Variants in HCN2 observed in about 807,000 individuals in gnomAD.
The protein encoded by HCN2 is hyperpolarization activated cyclic nucleotide gated potassium and sodium channel 2.
Under a neutral mutation model 52.3 loss-of-function variants are expected in HCN2, and 20 were observed. The ratio of observed to expected loss-of-function variants is 0.38; its 90% CI spans 0.27 to 0.56. The LOEUF is 0.56. Ranked by LOEUF, HCN2 falls within the 20% of genes least tolerant of loss-of-function variation. HCN2 has a pLI of 0.71. For missense variants in HCN2, 981 were observed against 1,207.7 expected (o/e 0.81, Z 2.78); for synonymous variants, 694 against 537.0 (o/e 1.29, Z -4.04).
intron 1 of HCN2, among the ~76,000 whole-genome samples, chr19:601,439 C>T (rs991015179): frequency 1.3e-5 from 2 of 152,184 alleles, no homozygotes; most frequent in African/African-American, 4.8e-5. Context: ...CGGGTCGCGC[C>T]GTGTTTGTCC....
In HCN2 at chr19:616,998, G is replaced by A. The variant is rs1347371553; in HGVS notation, c.*524G>A. ...CGCCTCCCTCCAGCACTGGCACCGA[G>A]AGGCAGGCCTGGCTGCGCAGGGCGC... On this transcript the variant is annotated 3_prime_UTR_variant, in exon 8 of 8. Transcript: ENST00000251287. The A allele has an allele frequency of 2.6e-5, 13 of 504,846 alleles. No individual in the cohort carries two copies. In the East Asian group the frequency reaches 3.6e-4, roughly 14 times the overall value. The allele number at this position is 504,846 out of a possible 1,614,324, so 31.3% of individuals were successfully genotyped here.
chr19:607,918 G>T, intron 3 of HCN2, 46 bp from the exon 4 acceptor site: 5 of 1,492,572 alleles, frequency 3.3e-6, no homozygotes, highest in Non-Finnish European at 3.7e-6. Flanking sequence ...AGGGCTCCTG[G>T]GGCGTGAGCA....
rs1982887805 is a variant in HCN2, at chr19:591,994, G to A, written c.632+1417G>A. Among the ~76,000 whole-genome samples, 1 of 152,196 alleles carries A rather than the reference G, an allele frequency of 6.6e-6. No individual in the cohort carries two copies. The highest frequency in any genetic ancestry group is 1.5e-5 in the Non-Finnish European group (1 of 68,022). On this transcript the variant is annotated intron_variant, in intron 1 of 7. Coordinates refer to ENST00000251287, the MANE Select transcript of HCN2 (RefSeq NM_001194.4). This position sits in a 1 kb window ranked among gnomAD's most constrained non-coding sequence, Gnocchi z 4.1. ...TCGAGACAGGCCAGGGGTGGGAGGA[G>A]CCCCGAAATCCCCAGAGGGGCTGTG...
At chr19:607,540 C>T (rs1162808434) in intron 3 of HCN2, among the ~76,000 whole-genome samples, 2 of 152,258 alleles carry the variant, frequency 1.3e-5, no homozygotes, top group Non-Finnish European at 2.9e-5. Context: ...GCTCCCCTTT[C>T]CCGGCCGGGT....
chr19:595,302 C>T (rs1982994001), intron 1 of HCN2, among the ~76,000 whole-genome samples: 1 of 150,598 alleles, frequency 6.6e-6, no homozygotes, highest in Non-Finnish European at 1.5e-5. Context: ...CCCCACGGTT[C>T]AGCCTCGCAC....
chr19:611,542 C>T (rs986936713), intron 5 of HCN2, among the ~76,000 whole-genome samples: 1 of 152,180 alleles, frequency 6.6e-6, no homozygotes, highest in Non-Finnish European at 1.5e-5. Context: ...GCGTGTACAC[C>T]CGTTGCTCCC....
chr19:616,918 A>ACCGGC lies in HCN2; in HGVS notation c.*452_*456dup. The ACCGGC allele has an allele frequency of 2.9e-6, 1 of 340,912 alleles. No individual in the cohort carries two copies. Among genetic ancestry groups the ACCGGC allele is most frequent in the East Asian group, 8.1e-5 (1 of 12,414 alleles). The allele number at this position is 340,912 out of a possible 1,614,324, so 21.1% of individuals were successfully genotyped here. A position where few individuals can be genotyped will look rare whatever the true frequency, so the allele number is the denominator to read the frequency against. On this transcript the variant is annotated 3_prime_UTR_variant, in exon 8 of 8. Transcript: ENST00000251287. ...CTGCCCCCATCGCGCTCACGCAATA[A>ACCGGC]CCGGCCCGGCCCCCGTCCGCGCGCG...
At chr19:593,174 G>C (rs193111707) in intron 1 of HCN2, among the ~76,000 whole-genome samples, 1 of 152,350 alleles carries the variant, frequency 6.6e-6, no homozygotes, top group East Asian at 1.9e-4. Flanking sequence ...CCCGTGCTCG[G>C]AAGTGGCCTC....
chr19:604,814 G>A (rs1295399805), intron 2 of HCN2, among the ~76,000 whole-genome samples: 2 of 80,966 alleles, frequency 2.5e-5, no homozygotes, highest in Non-Finnish European at 4.7e-5. Flanking sequence ...TAGGGCGGGG[G>A]CTGTGGATTT....
chr19:594,902 C>T (rs947570392), intron 1 of HCN2, among the ~76,000 whole-genome samples: 2 of 152,084 alleles, frequency 1.3e-5, no homozygotes, highest in African/African-American at 4.8e-5. Context: ...GTTCCCTGCT[C>T]GAAAACGGAC....
rs1290979653 is a variant in HCN2, at chr19:590,326, C to T, written c.381C>T (p.Cys127=). 2.2e-5 allele frequency: 23 copies of T among 1,025,948 alleles called. No individual in the cohort carries two copies. Among genetic ancestry groups the T allele is most frequent in the Middle Eastern group, 4.7e-4 (1 of 2,124 alleles). The allele number at this position is 1,025,948 out of a possible 1,614,324, so 63.6% of individuals were successfully genotyped here. Residue 127 remains cysteine, a synonymous_variant, in exon 1 of 8, where the codon TGC becomes TGT. Coordinates refer to ENST00000251287, the MANE Select transcript of HCN2 (RefSeq NM_001194.4). This position sits in a 1 kb window ranked among gnomAD's most constrained non-coding sequence, Gnocchi z 7.2. ...GGGGGCCCAAGGTGTCGTTCTCGTG[C>T]CGCGGGGCGGCCTCGGGGCCCGCGC... ...PARGPKVSFS[C]RGAASGPAPG... is the part of the protein sequence containing the mutation.
intron 1 of HCN2, among the ~76,000 whole-genome samples, chr19:596,905 G>A (rs1983047377): frequency 8.2e-6 from 1 of 121,420 alleles, no homozygotes; most frequent in Non-Finnish European, 1.9e-5. Flanking sequence ...GAGGGTTGGG[G>A]TGGAGAGGGT....
intron 7 of HCN2, among the ~76,000 whole-genome samples, chr19:615,469 G>A (rs532518003): frequency 2.6e-5 from 4 of 152,280 alleles, no homozygotes; most frequent in South Asian, 2.1e-4. Flanking sequence ...GGCCGAGATC[G>A]CGCCACTGCA....
In HCN2 at chr19:607,984, G is replaced by A. The variant is rs3752158; in HGVS notation, c.1239G>A (p.Leu413=). 1.2e-3 allele frequency: 1,863 copies of A among 1,612,242 alleles called. 20 individuals are homozygous for A. Among genetic ancestry groups the A allele is most frequent in the South Asian group, 9.1e-3 (830 of 91,046 alleles). The change falls in exon 4 of 8, where the codon CTG becomes CTA. Residue 413 remains leucine (L), a synonymous_variant. Coordinates refer to ENST00000251287, the MANE Select transcript of HCN2 (RefSeq NM_001194.4). ...TGCAGAACCACTCGTGGAGTGAACT[G>A]TACTCCTTCGCACTCTTCAAGGCCA... ...NGMVNHSWSE[L]YSFALFKAMS...
At chr19:615,192 C>T (rs375353075) in intron 7 of HCN2, among the ~76,000 whole-genome samples, 11 of 152,264 alleles carry the variant, frequency 7.2e-5, no homozygotes, top group Admixed American at 1.3e-4. Context: ...GTGATACCTG[C>T]TCCATGTACA....
At position 616,510 on chromosome 19, in the gene HCN2, G is replaced by A; in HGVS notation, c.*36G>A. 4.3e-6 allele frequency: 5 copies of A among 1,172,332 alleles called. No individual in the cohort carries two copies. The highest frequency in any genetic ancestry group is 5.3e-6 in the Non-Finnish European group (5 of 941,214). 72.6% of individuals were successfully genotyped at this position (1,172,332 alleles called of 1,614,324 possible). ...CCGCCCCGCGGGCCCAGGCGGGCCG[G>A]GGGCGGGGCCGTCATCCAGACCAAA... On this transcript the variant is annotated 3_prime_UTR_variant, in exon 8 of 8. Coordinates refer to ENST00000251287, the MANE Select transcript of HCN2 (RefSeq NM_001194.4).
chr19:610,002 G>A (rs921309051), intron 4 of HCN2, among the ~76,000 whole-genome samples: 4 of 152,338 alleles, frequency 2.6e-5, no homozygotes, highest in East Asian at 1.9e-4. Flanking sequence ...TGTGTGTGGC[G>A]GAGGCCTGTC....
rs1983766319 is a variant in HCN2, at chr19:613,703, CCGGGG to C, written c.1826-148_1826-144del. 34 of 630,112 alleles carry C rather than the reference CCGGGG, an allele frequency of 5.4e-5. 1 individual carries two copies. Among genetic ancestry groups the C allele is most frequent in the Middle Eastern group, 5.8e-4 (1 of 1,730 alleles). The allele number at this position is 630,112 out of a possible 1,614,324, so 39.0% of individuals were successfully genotyped here. A position where few individuals can be genotyped will look rare whatever the true frequency, so the allele number is the denominator to read the frequency against. On this transcript the variant is annotated intron_variant, in intron 6 of 7. Transcript: ENST00000251287. Reference sequence around the variant, plus strand: ...GCCGGGGATGGGGCCGGGGATGGGGCCGGGGATGGGGCCGGGGCCGGCACCAGGGA... The same window carrying C: ...GCCGGGGATGGGGCCGGGGATGGGGCATGGGGCCGGGGCCGGCACCAGGGA...
intron 6 of HCN2, among the ~76,000 whole-genome samples, 160 bp from the exon 7 acceptor site, chr19:613,686 TGGGGCC>T (rs1243323430): frequency 1.4e-4 from 3 of 20,774 alleles, no homozygotes; most frequent in African/African-American, 5.0e-4. Flanking sequence ...GGGCCGGGGA[TGGGGCC>T]GGGGATGGGG....
Sources: allele counts gnomAD v4.1 joint callset (sites outside exome capture counted in the v4.1 genomes callset), GRCh38; gene constraint gnomAD v4.1.1; non-coding constraint Gnocchi (gnomAD v3.1); transcripts MANE v1.5; gene names NCBI Gene and HGNC (gene_info 2026-07-23, HGNC 2026-07-21).